SLC35A3: variants seen among roughly 807,000 people sequenced by gnomAD.
SLC35A3 encodes the protein solute carrier family 35 member A3, also known as UDP-N-acetylglucosamine transporter.
In SLC35A3, 26 loss-of-function variants were observed where a neutral mutation model predicts 39.0. The ratio of observed to expected loss-of-function variants is 0.67; its 90% CI spans 0.49 to 0.92. SLC35A3 has a LOEUF of 0.92. SLC35A3 is among the 40% of genes least tolerant of loss of function. The pLI, the probability that SLC35A3 is intolerant of heterozygous loss-of-function variation, is 0.00. For synonymous variants in SLC35A3, 135 were observed against 133.1 expected (o/e 1.01, Z -0.10); for missense variants, 299 against 371.6 (o/e 0.80, Z 1.61).
intron 1 of SLC35A3, among the ~76,000 whole-genome samples, chr1:99,989,287 G>A (rs977265626): frequency 6.6e-6 from 1 of 151,446 alleles, no homozygotes; most frequent in African/African-American, 2.4e-5. Context: ...TTTTTGTTTT[G>A]TTTTGTTTTG....
At position 99,976,207 on chromosome 1, in the gene SLC35A3, C is replaced by T. The variant is rs530545325; in HGVS notation, c.-19+6045C>T. Among the ~76,000 whole-genome samples, 4 of 152,270 alleles carry T rather than the reference C, an allele frequency of 2.6e-5. No individual in the cohort carries two copies. In the East Asian group the frequency reaches 7.7e-4, roughly 29 times the overall value. ...TAGGCAGAGTGGCATAAGACTTGAA[C>T]AGTAAATGTAGAACAAACATAATTA... On this transcript the variant is annotated intron_variant, in intron 1 of 7. Coordinates refer to ENST00000533028, the MANE Select transcript of SLC35A3 (RefSeq NM_012243.3).
chr1:99,970,663 CA>C, intron 1 of SLC35A3: 1 of 1,515,124 alleles, frequency 6.6e-7, no homozygotes, highest in Non-Finnish European at 8.9e-7. Context: ...AGTAAGAACA[CA>C]AGGACTGTTT....
At chr1:100,016,896 T>C (rs1660176870) in intron 6 of SLC35A3, among the ~76,000 whole-genome samples, 1 of 152,118 alleles carries the variant, frequency 6.6e-6, no homozygotes, top group Non-Finnish European at 1.5e-5. Context: ...AAGGATTCAA[T>C]AGGGAGTAAA....
chr1:99,983,181 G>T (rs1020337140), intron 1 of SLC35A3, among the ~76,000 whole-genome samples: 17 of 151,490 alleles, frequency 1.1e-4, no homozygotes, highest in Admixed American at 2.0e-4. Flanking sequence ...TGTGTGTGTG[G>T]GTGTGTGTGT....
rs1342791496 is a variant in SLC35A3, at chr1:100,029,708, G to C, written c.*7232G>C. 6.6e-6 allele frequency: 1 copy of C among 152,164 alleles called. No individual in the cohort carries two copies. The highest frequency in any genetic ancestry group is 1.5e-5 in the Non-Finnish European group (1 of 68,046). The allele number at this position is 152,164 out of a possible 1,614,324, so 9.4% of individuals were successfully genotyped here. A position where few individuals can be genotyped will look rare whatever the true frequency, so the allele number is the denominator to read the frequency against. ...GGCCTCCCAAAGTGCTGGGATTACA[G>C]GCATGAGCCATCACACCCAGCCCAG... On this transcript the variant is annotated 3_prime_UTR_variant, in exon 8 of 8. Transcript: ENST00000533028.
At chr1:99,970,680 G>A in intron 1 of SLC35A3, 1 of 1,440,682 alleles carries the variant, frequency 6.9e-7, no homozygotes, top group Non-Finnish European at 9.4e-7. Flanking sequence ...TGTTTGAAGT[G>A]GGGTGAGATT....
chr1:99,988,177 A>G (rs949059938), intron 1 of SLC35A3, among the ~76,000 whole-genome samples: 6 of 152,112 alleles, frequency 3.9e-5, no homozygotes, highest in Admixed American at 6.6e-5. Flanking sequence ...TTTGCAGTCA[A>G]CCCTCAACCC....
At chr1:99,973,946 C>T (rs1268822956) in intron 1 of SLC35A3, among the ~76,000 whole-genome samples, 2 of 146,570 alleles carry the variant, frequency 1.4e-5, no homozygotes, top group Admixed American at 7.0e-5. Context: ...ACGCGGGAGG[C>T]GGAGGTTGCA....
At chr1:99,982,210 G>A (rs758603858) in intron 1 of SLC35A3, among the ~76,000 whole-genome samples, 34 of 151,548 alleles carry the variant, frequency 2.2e-4, no homozygotes, top group Non-Finnish European at 3.5e-4. Context: ...TTGCCATGTT[G>A]CCCAGGCTTT....
At chr1:99,994,293 G>T (rs1320664738) in intron 2 of SLC35A3, among the ~76,000 whole-genome samples, 1 of 151,890 alleles carries the variant, frequency 6.6e-6, no homozygotes. Context: ...ACACTTCATT[G>T]TCATTATTTT....
chr1:99,989,408 T>A (rs1054699533), intron 1 of SLC35A3, among the ~76,000 whole-genome samples: 2 of 152,044 alleles, frequency 1.3e-5, no homozygotes, highest in East Asian at 3.9e-4. Flanking sequence ...CTCAGCCTCC[T>A]GAGTAGCTGG....
chr1:99,976,513 G>A (rs566043426), intron 1 of SLC35A3, among the ~76,000 whole-genome samples: 1 of 152,294 alleles, frequency 6.6e-6, no homozygotes, highest in South Asian at 2.1e-4. Context: ...CACATGCACT[G>A]TTAAGTTTCA....
rs186175024 is a variant in SLC35A3, at chr1:100,033,119, A to G, written c.*10643A>G. ...TTAGTGGACATAGCTAGGAAATACA[A>G]TTTTAAAAGATCATGAATTCAAATT... On this transcript the variant is annotated 3_prime_UTR_variant, in exon 8 of 8. Transcript: ENST00000533028. The G allele has an allele frequency of 6.6e-6, 1 of 152,212 alleles. No individual in the cohort carries two copies. Among genetic ancestry groups the G allele is most frequent in the Non-Finnish European group, 1.5e-5 (1 of 67,994 alleles). The allele number at this position is 152,212 out of a possible 1,614,324, so 9.4% of individuals were successfully genotyped here.
At chr1:99,980,177 C>T (rs1040375815) in intron 1 of SLC35A3, among the ~76,000 whole-genome samples, 1 of 148,784 alleles carries the variant, frequency 6.7e-6, no homozygotes, top group Non-Finnish European at 1.5e-5. Context: ...TTACTTCTAT[C>T]CCCAATCTTC....
intron 1 of SLC35A3, among the ~76,000 whole-genome samples, chr1:99,988,640 C>T (rs191468675): frequency 0.013 from 1,914 of 145,320 alleles, 19 homozygotes; most frequent in Middle Eastern, 0.055. Flanking sequence ...CTCCTCTTCC[C>T]TCCCCTCTCC....
intron 6 of SLC35A3, among the ~76,000 whole-genome samples, chr1:100,015,920 G>T (rs557181344): frequency 6.5e-4 from 99 of 152,056 alleles, no homozygotes; most frequent in Non-Finnish European, 1.1e-3. Context: ...AATTCTAGAG[G>T]ATATAAAAAT....
At chr1:99,997,474 T>C (rs114775204) in intron 2 of SLC35A3, among the ~76,000 whole-genome samples, 14,135 of 111,900 alleles carry the variant, frequency 0.13, 1,384 homozygotes, top group African/African-American at 0.24. Flanking sequence ...TAGAATAGTG[T>C]TTAGTTGATA....
Position 100,025,330 on chromosome 1 carries a change from GTCTGTT to G in SLC35A3, c.*2858_*2863del, listed in dbSNP as rs1322713530. The G allele has an allele frequency of 1.3e-5, 2 of 152,254 alleles. No individual in the cohort carries two copies. The highest frequency in any genetic ancestry group is 1.9e-4 in the East Asian group (1 of 5,196). 9.4% of individuals were successfully genotyped at this position (152,254 alleles called of 1,614,324 possible). A position where few individuals can be genotyped will look rare whatever the true frequency, so the allele number is the denominator to read the frequency against. On this transcript the variant is annotated 3_prime_UTR_variant, in exon 8 of 8. Transcript: ENST00000533028. ...GTGCATTCACATTTAATCAGGTTTA[GTCTGTT>G]TCTATTTTAATAATTTTAAAAAATT... is the stretch of plus-strand genomic sequence containing the variant.
At chr1:100,014,445 C>T (rs1659911929) in intron 5 of SLC35A3, among the ~76,000 whole-genome samples, 1 of 152,100 alleles carries the variant, frequency 6.6e-6, no homozygotes. Context: ...GGGTCTTAAA[C>T]TCCTGGGGTC....
Sources: allele counts gnomAD v4.1 joint callset (sites outside exome capture counted in the v4.1 genomes callset), GRCh38; gene constraint gnomAD v4.1.1; transcripts MANE v1.5; gene names NCBI Gene and HGNC (gene_info 2026-07-23, HGNC 2026-07-21).